The following GALNT10 variants were observed in gnomAD, a reference collection of about 807,000 sequenced individuals.
The protein encoded by GALNT10 is GalNAc transferase 10.
In GALNT10, 41 loss-of-function variants were observed where a neutral mutation model predicts 75.0. The ratio of observed to expected loss-of-function variants is 0.55; its 90% CI spans 0.43 to 0.71. The LOEUF (loss-of-function observed/expected upper bound fraction) is 0.71. Ranked by LOEUF, GALNT10 falls within the 30% of genes least tolerant of loss-of-function variation. The pLI, the probability that GALNT10 is intolerant of heterozygous loss-of-function variation, is 0.00. For missense variants in GALNT10, 727 were observed against 818.5 expected, an observed-to-expected ratio of 0.89 and a Z score of 1.36; for synonymous variants, 302 against 313.0, an observed-to-expected ratio of 0.96 and a Z score of 0.37.
At chr5:154,217,962 T>C (rs1411245213) in intron 1 of GALNT10, 1 of 967,516 alleles carries the variant, frequency 1.0e-6, no homozygotes, top group African/African-American at 1.8e-5. Context: ...TGAATAAAAA[T>C]GTTGGGGTAG....
intron 1 of GALNT10, among the ~76,000 whole-genome samples, chr5:154,205,066 ATTTGG>A (rs1250891597): frequency 5.3e-5 from 8 of 152,108 alleles, no homozygotes; most frequent in Non-Finnish European, 1.0e-4. Flanking sequence ...TCCGTGTTTC[ATTTGG>A]ACACCACTCT....
intron 1 of GALNT10, among the ~76,000 whole-genome samples, chr5:154,214,026 T>A (rs1363302273): frequency 6.6e-6 from 1 of 152,240 alleles, no homozygotes; most frequent in Non-Finnish European, 1.5e-5. Context: ...TGTTCAACTC[T>A]AGTGCAAGGT....
At chr5:154,259,332 A>G (rs990108814) in intron 1 of GALNT10, among the ~76,000 whole-genome samples, 9 of 152,210 alleles carry the variant, frequency 5.9e-5, no homozygotes, top group African/African-American at 2.2e-4. Flanking sequence ...AGAATAACAC[A>G]GAAGTGAGAT....
intron 7 of GALNT10, 52 bp from the exon 8 acceptor site, chr5:154,404,052 T>C (rs775146614): frequency 1.4e-6 from 2 of 1,393,212 alleles, no homozygotes; most frequent in South Asian, 1.2e-5. Context: ...CCTGGCGGGA[T>C]GGTGAACTGG....
chr5:154,280,974 G>A (rs536570158), intron 1 of GALNT10, among the ~76,000 whole-genome samples: 2 of 152,270 alleles, frequency 1.3e-5, no homozygotes, highest in East Asian at 3.9e-4. Flanking sequence ...TCACATATCT[G>A]TCCTTACCTT....
At chr5:154,299,993 G>C (rs1171247546) in intron 3 of GALNT10, among the ~76,000 whole-genome samples, 1 of 152,064 alleles carries the variant, frequency 6.6e-6, no homozygotes, top group African/African-American at 2.4e-5. Flanking sequence ...TGCCACCACT[G>C]CTGGTGAATT....
chr5:154,381,150 C>CTA (rs1755728914), intron 6 of GALNT10, among the ~76,000 whole-genome samples: 1 of 152,210 alleles, frequency 6.6e-6, no homozygotes, highest in Non-Finnish European at 1.5e-5. Context: ...CATCGTACTG[C>CTA]TATACCCACT....
intron 1 of GALNT10, among the ~76,000 whole-genome samples, chr5:154,269,683 A>G (rs1040200132): frequency 3.9e-5 from 6 of 152,236 alleles, no homozygotes; most frequent in African/African-American, 1.4e-4. Flanking sequence ...CCAGGCCTCT[A>G]ACAGTGAGTG....
intron 6 of GALNT10, 57 bp downstream of exon 6, chr5:154,380,688 C>G: frequency 8.3e-7 from 1 of 1,206,504 alleles, no homozygotes; most frequent in Admixed American, 2.0e-5. Flanking sequence ...ACTCCCAACA[C>G]GCACACAACT....
chr5:154,371,658 G>T, intron 4 of GALNT10, among the ~76,000 whole-genome samples: 1 of 151,704 alleles, frequency 6.6e-6, no homozygotes, highest in East Asian at 1.9e-4. Flanking sequence ...GCCTCACTCA[G>T]ACCTCACCAG....
At chr5:154,280,474 T>A (rs563573203) in intron 1 of GALNT10, among the ~76,000 whole-genome samples, 1 of 152,320 alleles carries the variant, frequency 6.6e-6, no homozygotes, top group Non-Finnish European at 1.5e-5. Flanking sequence ...TTACCCTAAT[T>A]TGATCATTAT....
At chr5:154,340,147 G>T (rs1242082661) in intron 4 of GALNT10, among the ~76,000 whole-genome samples, 4 of 152,160 alleles carry the variant, frequency 2.6e-5, no homozygotes, top group African/African-American at 9.7e-5. Flanking sequence ...CTGCTCTAGT[G>T]CACACCAGCC....
Position 154,284,989 on chromosome 5 carries a change from T to TA in GALNT10, c.160-9825dup, listed in dbSNP as rs561654697. Among the ~76,000 whole-genome samples, 17 of 152,176 alleles carry TA rather than the reference T, an allele frequency of 1.1e-4. No individual in the cohort carries two copies. The East Asian group carries it at 3.1e-3, about 28-fold the overall frequency. ...ATAAACCCACCACTTAAGGTGAAAA[T>TA]AACACAAAATCAGAATCACCCTTGA... is the stretch of plus-strand genomic sequence containing the variant. On this transcript the variant is annotated intron_variant, in intron 1 of 11. Coordinates refer to ENST00000297107, the MANE Select transcript of GALNT10 (RefSeq NM_198321.4).
intron 3 of GALNT10, among the ~76,000 whole-genome samples, chr5:154,322,967 T>A (rs1462067420): frequency 6.6e-6 from 1 of 152,240 alleles, no homozygotes; most frequent in African/African-American, 2.4e-5. Context: ...GATACTGTGC[T>A]AGGCTAAGCA....
rs942889080 is a variant in GALNT10, at chr5:154,376,516, G to A, written c.754+54G>A. 1.6e-5 allele frequency: 21 copies of A among 1,338,630 alleles called. No homozygotes were observed. Among genetic ancestry groups the A allele is most frequent in the Non-Finnish European group, 2.2e-5 (21 of 975,500 alleles). The allele number at this position is 1,338,630 out of a possible 1,614,324, so 82.9% of individuals were successfully genotyped here. A position where few individuals can be genotyped will look rare whatever the true frequency, so the allele number is the denominator to read the frequency against. ...GGCAAACTGCAATGAGCCAGTGCCAGTGGCCCCCTCCTGCTGCAGGGAGCC... is the reference window on the plus strand; with the variant it reads ...GGCAAACTGCAATGAGCCAGTGCCAATGGCCCCCTCCTGCTGCAGGGAGCC... On this transcript the variant is annotated intron_variant, in intron 5 of 11. Transcript: ENST00000297107. The surrounding 1 kb of genome is among the most constrained non-coding windows in gnomAD (Gnocchi z 4.1).
chr5:154,245,382 C>G (rs1479873478), intron 1 of GALNT10, among the ~76,000 whole-genome samples: 1 of 152,156 alleles, frequency 6.6e-6, no homozygotes, highest in African/African-American at 2.4e-5. Context: ...TGCTAAGCAC[C>G]TGACATGGGT....
At chr5:154,288,586 A>T (rs1260581041) in intron 1 of GALNT10, among the ~76,000 whole-genome samples, 2 of 118,478 alleles carry the variant, frequency 1.7e-5, no homozygotes, top group Admixed American at 1.5e-4. Context: ...AGTCTCCTCC[A>T]CACACTCTCC....
rs70978537 is a variant in GALNT10, at chr5:154,345,947, A to AT, written c.568+16232dup. On this transcript the variant is annotated intron_variant, in intron 4 of 11. Transcript: ENST00000297107. Reference sequence around the variant, plus strand: ...AGTTGTGCACCACCACACCCGCCTAATTTTTTTTTTTTTTTTTTTTTTTGT... The same window carrying AT: ...AGTTGTGCACCACCACACCCGCCTAATTTTTTTTTTTTTTTTTTTTTTTTGT... Among the ~76,000 whole-genome samples the AT allele has an allele frequency of 2.3e-3, 152 of 65,418 alleles. 4 individuals are homozygous for AT. The highest frequency in any genetic ancestry group is 0.011 in the East Asian group (26 of 2,392). The allele number at this position is 65,418 out of a possible 152,430, so 42.9% of individuals were successfully genotyped here.
intron 7 of GALNT10, chr5:154,392,646 G>C (rs1216492753): frequency 6.6e-6 from 1 of 152,448 alleles, no homozygotes; most frequent in African/African-American, 2.4e-5. Flanking sequence ...TGGATTAGGG[G>C]GGGAGGCAGC....
Sources: allele counts gnomAD v4.1 joint callset (sites outside exome capture counted in the v4.1 genomes callset), GRCh38; gene constraint gnomAD v4.1.1; non-coding constraint Gnocchi (gnomAD v3.1); transcripts MANE v1.5; gene names NCBI Gene and HGNC (gene_info 2026-07-23, HGNC 2026-07-21).